Variants in INSYN2B observed in about 807,000 individuals in gnomAD.
INSYN2B encodes the protein protein INSYN2B.
Under a neutral mutation model 41.2 loss-of-function variants are expected in INSYN2B, and 16 were observed. The ratio of observed to expected loss-of-function variants is 0.39; its 90% CI spans 0.26 to 0.59. The LOEUF (loss-of-function observed/expected upper bound fraction) is 0.59, where lower values mean the gene tolerates loss of function less well. INSYN2B is among the 20% of genes least tolerant of loss of function. INSYN2B has a pLI of 0.57. For missense variants in INSYN2B, 608 were observed against 646.4 expected (o/e 0.94, Z 0.64); for synonymous variants, 245 against 244.4 (o/e 1.00, Z -0.02).
chr5:169,952,034 C>A (rs1160605205), intron 1 of INSYN2B, among the ~76,000 whole-genome samples: 1 of 152,212 alleles, frequency 6.6e-6, no homozygotes, highest in Non-Finnish European at 1.5e-5. Context: ...ATTCTCACAA[C>A]ATGTGAAAGA....
chr5:169,919,617 T>C (rs58514428), intron 1 of INSYN2B, among the ~76,000 whole-genome samples: 2,876 of 152,210 alleles, frequency 0.019, 90 homozygotes, highest in African/African-American at 0.066. Flanking sequence ...GTGAGAAGGG[T>C]TTCCCTGGCG....
chr5:169,911,374 T>G (rs1483378283), intron 1 of INSYN2B, among the ~76,000 whole-genome samples: 3 of 152,184 alleles, frequency 2.0e-5, no homozygotes, highest in Non-Finnish European at 1.5e-5. Context: ...TGCTATGGCG[T>G]TCACAGGACA....
At chr5:169,865,229 A>C (rs765554512) in intron 3 of INSYN2B, among the ~76,000 whole-genome samples, 72 of 152,242 alleles carry the variant, frequency 4.7e-4, no homozygotes, top group Non-Finnish European at 7.5e-4. Context: ...TGGTGTCATT[A>C]ACATACGGAC....
chr5:169,934,266 C>T (rs1581439625), intron 1 of INSYN2B, among the ~76,000 whole-genome samples: 2 of 152,176 alleles, frequency 1.3e-5, no homozygotes, highest in Admixed American at 6.5e-5. Context: ...AGAGTCCCTT[C>T]TACTGTATTT....
chr5:169,970,069 A>T (rs1487195902), intron 1 of INSYN2B, among the ~76,000 whole-genome samples: 2 of 152,204 alleles, frequency 1.3e-5, no homozygotes, highest in Non-Finnish European at 2.9e-5. Flanking sequence ...GAAGCCTCCC[A>T]TGTCCCACCC....
chr5:169,973,045 A>G (rs961062891), intron 1 of INSYN2B, among the ~76,000 whole-genome samples: 2 of 152,204 alleles, frequency 1.3e-5, no homozygotes, highest in African/African-American at 2.4e-5. Context: ...AGTTTAATAC[A>G]TGATGTGAGA....
At chr5:169,888,806 A>C (rs1054751519) in intron 1 of INSYN2B, among the ~76,000 whole-genome samples, 1 of 152,186 alleles carries the variant, frequency 6.6e-6, no homozygotes, top group African/African-American at 2.4e-5. Context: ...TTCAGATAGA[A>C]CCCAGCTGGT....
chr5:169,963,202 T>C (rs748002623), intron 1 of INSYN2B, among the ~76,000 whole-genome samples: 1 of 152,216 alleles, frequency 6.6e-6, no homozygotes, highest in Admixed American at 6.5e-5. Context: ...TAATGTTGCC[T>C]CTTTAAAGTG....
intron 1 of INSYN2B, among the ~76,000 whole-genome samples, chr5:169,896,006 C>G (rs1391128601): frequency 6.6e-6 from 1 of 152,174 alleles, no homozygotes; most frequent in Non-Finnish European, 1.5e-5. Context: ...GATCTCAAGC[C>G]TGGCCTTGGC....
chr5:169,950,183 A>G (rs2113723499), intron 1 of INSYN2B, among the ~76,000 whole-genome samples: 1 of 152,254 alleles, frequency 6.6e-6, no homozygotes, highest in Non-Finnish European at 1.5e-5. Flanking sequence ...GGTGGTTGGA[A>G]GCTTGGTCAC....
intron 1 of INSYN2B, among the ~76,000 whole-genome samples, chr5:169,954,359 T>C (rs775385528): frequency 1.3e-5 from 2 of 152,254 alleles, no homozygotes; most frequent in Admixed American, 1.3e-4. Context: ...TATATAACAT[T>C]CCATTATGTA....
chr5:169,939,183 C>T (rs1169014100), intron 1 of INSYN2B, among the ~76,000 whole-genome samples: 4 of 151,074 alleles, frequency 2.6e-5, no homozygotes, highest in South Asian at 2.1e-4. Flanking sequence ...GGATTACAGG[C>T]GTGAGCCACT....
At chr5:169,910,652 G>A (rs748830552) in intron 1 of INSYN2B, among the ~76,000 whole-genome samples, 4 of 152,274 alleles carry the variant, frequency 2.6e-5, no homozygotes, top group East Asian at 1.9e-4. Context: ...CAGGGGCCAC[G>A]GCAATGAAGT....
At chr5:169,886,458 T>G (rs1772976328) in intron 1 of INSYN2B, among the ~76,000 whole-genome samples, 1 of 152,226 alleles carries the variant, frequency 6.6e-6, no homozygotes, top group South Asian at 2.1e-4. Flanking sequence ...ACTAAATCCT[T>G]TCTGCATCTT....
chr5:169,915,193 C>T (rs1029500414), intron 1 of INSYN2B, among the ~76,000 whole-genome samples: 1 of 152,040 alleles, frequency 6.6e-6, no homozygotes, highest in Non-Finnish European at 1.5e-5. Context: ...GGAAGCCAAA[C>T]AAATCAGAAA....
At chr5:169,873,481 T>C (rs1031068963) in intron 3 of INSYN2B, among the ~76,000 whole-genome samples, 3 of 152,242 alleles carry the variant, frequency 2.0e-5, no homozygotes, top group African/African-American at 7.2e-5. Flanking sequence ...TGCAAATGCA[T>C]CTGTGATTAC....
At chr5:169,908,061 A>G (rs1311177735) in intron 1 of INSYN2B, among the ~76,000 whole-genome samples, 2 of 152,214 alleles carry the variant, frequency 1.3e-5, no homozygotes, top group Admixed American at 1.3e-4. Flanking sequence ...AGATCAAGCC[A>G]TCCCCAGGAA....
chr5:169,914,050 C>T lies in INSYN2B; in HGVS notation c.-918-29234G>A, dbSNP rs551025907. Among the ~76,000 whole-genome samples, 19 of 152,248 alleles carry T rather than the reference C, an allele frequency of 1.2e-4. No individual in the cohort carries two copies. In the South Asian group the frequency reaches 3.9e-3, roughly 32 times the overall value. On this transcript the variant is annotated intron_variant, in intron 1 of 3. Transcript: ENST00000377365. ...CACCCAAAGATGTTTACTAAAGATG[C>T]CCTTTCAAATGAAGCTTTTGACTGA...
chr5:169,862,703 G>C lies in INSYN2B; in HGVS notation c.*1570C>G, dbSNP rs1010719891. Among the ~76,000 whole-genome samples the C allele has an allele frequency of 6.6e-6, 1 of 152,228 alleles. No homozygotes were observed. The highest frequency in any genetic ancestry group is 1.5e-5 in the Non-Finnish European group (1 of 68,044). On this transcript the variant is annotated 3_prime_UTR_variant, in exon 4 of 4. Transcript: ENST00000377365. ...TTCCAAGACTTAAATAGTGCAAGCT[G>C]ATATTCCTTGCCAAATTTCCCTTTC...
Sources: gnomAD v4.1 joint callset for allele counts (sites outside exome capture counted in the v4.1 genomes callset) on GRCh38, gnomAD v4.1.1 for gene constraint, MANE v1.5 for transcripts, NCBI Gene and HGNC (gene_info 2026-07-23, HGNC 2026-07-21) for gene names.